CTNNA2: variants seen among roughly 807,000 people sequenced by gnomAD.
CTNNA2 encodes the protein catenin alpha-2.
In CTNNA2, 42 loss-of-function variants were observed where a neutral mutation model predicts 101.0. The observed-to-expected ratio is 0.42, with a 90% CI of 0.32 to 0.54. The LOEUF (loss-of-function observed/expected upper bound fraction) is 0.54, where lower values mean the gene tolerates loss of function less well. Ranked by LOEUF, CTNNA2 falls within the 20% of genes least tolerant of loss-of-function variation. The pLI is 0.14. For synonymous variants in CTNNA2, 450 were observed against 456.4 expected (o/e 0.99, Z 0.18); for missense variants, 871 against 1,223.1 (o/e 0.71, Z 4.29).
At chr2:80,484,728 T>C (rs147625666) in intron 9 of CTNNA2, among the ~76,000 whole-genome samples, 75 of 152,300 alleles carry the variant, frequency 4.9e-4, no homozygotes, top group African/African-American at 1.2e-3. Flanking sequence ...TGGGTCTGGC[T>C]GGGCGCAGTG....
At chr2:80,193,425 A>C (rs1706649742) in intron 7 of CTNNA2, among the ~76,000 whole-genome samples, 1 of 152,178 alleles carries the variant, frequency 6.6e-6, no homozygotes, top group African/African-American at 2.4e-5. Context: ...TCTTTTATTG[A>C]GCACTTGTGT....
rs756997342 is a variant in CTNNA2, at chr2:80,596,740, C to T, written c.2189+7255C>T. Among the ~76,000 whole-genome samples, 14 of 152,162 alleles carry T rather than the reference C, an allele frequency of 9.2e-5. No homozygotes were observed. The East Asian group carries it at 2.7e-3, about 30-fold the overall frequency. ...ATTGCCCTGGCCAGAACTTCCAATA[C>T]TATGTTGAATAGGAGTGATGAGAAA... On this transcript the variant is annotated intron_variant, in intron 15 of 18. Transcript: ENST00000402739.
intron 7 of CTNNA2, among the ~76,000 whole-genome samples, chr2:80,210,722 T>C (rs1707833891): frequency 6.6e-6 from 1 of 152,222 alleles, no homozygotes; most frequent in African/African-American, 2.4e-5. Context: ...ATCCTTTGGG[T>C]ATATACCCAG....
intron 7 of CTNNA2, among the ~76,000 whole-genome samples, chr2:80,214,181 G>A (rs1384938096): frequency 6.6e-6 from 1 of 152,100 alleles, no homozygotes; most frequent in Non-Finnish European, 1.5e-5. Flanking sequence ...GCTAGTCTGT[G>A]TCTTTTACTT....
At chr2:79,855,692 G>T (rs1339569200) in intron 3 of CTNNA2, among the ~76,000 whole-genome samples, 2 of 152,076 alleles carry the variant, frequency 1.3e-5, no homozygotes, top group South Asian at 4.1e-4. Context: ...GGCTCATACC[G>T]ATTTCACCTG....
intron 4 of CTNNA2, among the ~76,000 whole-genome samples, chr2:79,460,667 C>G (rs1252994209): frequency 6.6e-6 from 1 of 152,054 alleles, no homozygotes; most frequent in Non-Finnish European, 1.5e-5. Flanking sequence ...TGGGCTTGGC[C>G]AGCACAACAC....
At chr2:79,390,789 A>G (rs1558655793) in intron 4 of CTNNA2, among the ~76,000 whole-genome samples, 2 of 152,210 alleles carry the variant, frequency 1.3e-5, no homozygotes, top group South Asian at 4.1e-4. Flanking sequence ...ATAATAGTGC[A>G]GAAATGTCAC....
intron 7 of CTNNA2, among the ~76,000 whole-genome samples, chr2:80,217,620 G>A (rs914361901): frequency 6.6e-5 from 10 of 151,988 alleles, no homozygotes; most frequent in Non-Finnish European, 1.3e-4. Context: ...AATTGTTGTA[G>A]GCACTATATT....
intron 4 of CTNNA2, among the ~76,000 whole-genome samples, chr2:79,866,062 A>T (rs1375457102): frequency 6.6e-6 from 1 of 152,230 alleles, no homozygotes; most frequent in Non-Finnish European, 1.5e-5. Flanking sequence ...TCAACCAGGA[A>T]AATTAGACAC....
intron 3 of CTNNA2, among the ~76,000 whole-genome samples, chr2:79,778,199 A>C (rs2105183918): frequency 6.6e-6 from 1 of 152,174 alleles, no homozygotes; most frequent in South Asian, 2.1e-4. Flanking sequence ...AAAAAAAATT[A>C]ACCGAGTATG....
At chr2:80,027,586 C>T (rs1695012916) in intron 7 of CTNNA2, among the ~76,000 whole-genome samples, 1 of 152,104 alleles carries the variant, frequency 6.6e-6, no homozygotes, top group Non-Finnish European at 1.5e-5. Flanking sequence ...GAGGCTTATG[C>T]TTGGTTAGCA....
intron 7 of CTNNA2, among the ~76,000 whole-genome samples, chr2:80,306,394 CTTTT>C (rs1558989638): frequency 4.9e-4 from 64 of 129,500 alleles, no homozygotes; most frequent in Non-Finnish European, 7.7e-4. Flanking sequence ...CTTTTCTTTT[CTTTT>C]CTTTTCTTTC....
At chr2:79,826,500 C>A (rs1678449145) in intron 3 of CTNNA2, among the ~76,000 whole-genome samples, 1 of 152,174 alleles carries the variant, frequency 6.6e-6, no homozygotes, top group African/African-American at 2.4e-5. Context: ...TGGCCTCAAC[C>A]AAATTAACCA....
At chr2:79,992,690 A>G (rs1048635890) in intron 7 of CTNNA2, among the ~76,000 whole-genome samples, 2 of 152,154 alleles carry the variant, frequency 1.3e-5, no homozygotes, top group Admixed American at 1.3e-4. Context: ...TATAAATGTA[A>G]TATTTTGCTT....
At chr2:80,198,617 T>G (rs1459879802) in intron 7 of CTNNA2, among the ~76,000 whole-genome samples, 1 of 152,160 alleles carries the variant, frequency 6.6e-6, no homozygotes, top group Non-Finnish European at 1.5e-5. Flanking sequence ...CCAATCAAAT[T>G]AGAATCAAAT....
Position 80,077,439 on chromosome 2 carries a change from A to G in CTNNA2, c.1056+167642A>G, listed in dbSNP as rs113487858. Among the ~76,000 whole-genome samples, 1,157 of 152,218 alleles carry G rather than the reference A, an allele frequency of 7.6e-3. 13 individuals carry two copies. The highest frequency in any genetic ancestry group is 0.027 in the African/African-American group (1,112 of 41,548). On this transcript the variant is annotated intron_variant, in intron 7 of 18. Transcript: ENST00000402739. ...TTCACAAGATGAAGTATTAGTCAAC[A>G]ATTTTTAGAAAAACAACAACAACTA... is the stretch of plus-strand genomic sequence containing the variant.
At chr2:80,574,488 C>A (rs990365541) in intron 13 of CTNNA2, among the ~76,000 whole-genome samples, 174 bp downstream of exon 13, 1 of 152,174 alleles carries the variant, frequency 6.6e-6, no homozygotes, top group Non-Finnish European at 1.5e-5. Flanking sequence ...TGAGTAATAT[C>A]AACAAGCTCA....
intron 7 of CTNNA2, among the ~76,000 whole-genome samples, chr2:80,368,200 T>G (rs1675111270): frequency 6.6e-6 from 1 of 152,162 alleles, no homozygotes; most frequent in Non-Finnish European, 1.5e-5. Flanking sequence ...ATGTAATCTT[T>G]ACCATTTTTA....
intron 1 of CTNNA2, among the ~76,000 whole-genome samples, chr2:79,601,700 T>C (rs188119479): frequency 6.6e-6 from 1 of 152,340 alleles, no homozygotes; most frequent in African/African-American, 2.4e-5. Flanking sequence ...ATACAGACTT[T>C]CCAGCTATGA....
Sources: allele counts gnomAD v4.1 joint callset (sites outside exome capture counted in the v4.1 genomes callset), GRCh38; gene constraint gnomAD v4.1.1; transcripts MANE v1.5; gene names NCBI Gene and HGNC (gene_info 2026-07-23, HGNC 2026-07-21).